DCDC2: variants seen among roughly 807,000 people sequenced by gnomAD.
DCDC2 encodes doublecortin domain containing 2.
Under a neutral mutation model 50.2 loss-of-function variants are expected in DCDC2, and 40 were observed. The ratio of observed to expected loss-of-function variants is 0.80; its 90% CI spans 0.62 to 1.04. The LOEUF (loss-of-function observed/expected upper bound fraction) is 1.04, where lower values mean the gene tolerates loss of function less well. DCDC2 is among the 50% of genes least tolerant of loss of function. The probability of loss-of-function intolerance (pLI) is 0.00; values close to 1 mark genes in which losing one functional copy is unlikely to be tolerated. For missense variants in DCDC2, 570 were observed against 581.9 expected, an observed-to-expected ratio of 0.98 and a Z score of 0.21; for synonymous variants, 234 against 210.6, an observed-to-expected ratio of 1.11 and a Z score of -0.96.
At chr6:24,308,460 C>T (rs2113843305) in intron 2 of DCDC2, among the ~76,000 whole-genome samples, 1 of 152,228 alleles carries the variant, frequency 6.6e-6, no homozygotes, top group Non-Finnish European at 1.5e-5. Context: ...CATGCTTTTT[C>T]CTGGGGATAA....
chr6:24,352,723 C>A (rs1760395151), intron 2 of DCDC2, among the ~76,000 whole-genome samples: 1 of 152,140 alleles, frequency 6.6e-6, no homozygotes, highest in Non-Finnish European at 1.5e-5. Context: ...GAGAGTCCCT[C>A]TGGGGCTCTG....
chr6:24,235,889 T>A (rs114143457), intron 7 of DCDC2, among the ~76,000 whole-genome samples: 153 of 152,164 alleles, frequency 1.0e-3, no homozygotes, highest in African/African-American at 3.5e-3. Context: ...CACCTAAGAA[T>A]ACATATAACC....
intron 7 of DCDC2, among the ~76,000 whole-genome samples, chr6:24,274,690 G>A (rs367665717): frequency 4.7e-4 from 70 of 148,516 alleles, no homozygotes; most frequent in Admixed American, 1.5e-3. Flanking sequence ...CAGACTGATA[G>A]AAGCATTGCA....
intron 9 of DCDC2, among the ~76,000 whole-genome samples, chr6:24,176,858 T>C (rs1760924600): frequency 6.6e-6 from 1 of 152,238 alleles, no homozygotes; most frequent in African/African-American, 2.4e-5. Flanking sequence ...TGAGATCATA[T>C]GGTATGTGTC....
At chr6:24,178,287 A>T (rs1428501293) in intron 9 of DCDC2, 43 bp downstream of exon 9, 1 of 1,570,148 alleles carries the variant, frequency 6.4e-7, no homozygotes, top group South Asian at 1.2e-5. Flanking sequence ...ACACACACAC[A>T]TATTCATGCA....
At chr6:24,280,868 GAGA>G (rs1375444678) in intron 6 of DCDC2, among the ~76,000 whole-genome samples, 1 of 152,262 alleles carries the variant, frequency 6.6e-6, no homozygotes, top group African/African-American at 2.4e-5. Context: ...AGCTTTAGAT[GAGA>G]AGATCAACCT....
chr6:24,186,825 C>T (rs960691036), intron 8 of DCDC2, among the ~76,000 whole-genome samples: 5 of 152,220 alleles, frequency 3.3e-5, no homozygotes, highest in South Asian at 2.1e-4. Context: ...ATTATTATGT[C>T]GAAGTCTTAA....
intron 7 of DCDC2, among the ~76,000 whole-genome samples, chr6:24,211,742 G>C (rs1291165672): frequency 2.0e-5 from 3 of 152,114 alleles, no homozygotes; most frequent in Non-Finnish European, 4.4e-5. Flanking sequence ...TCCTTGCCTA[G>C]AGCCTCCAGA....
At chr6:24,272,741 G>A (rs188387481) in intron 7 of DCDC2, among the ~76,000 whole-genome samples, 1 of 152,108 alleles carries the variant, frequency 6.6e-6, no homozygotes, top group Non-Finnish European at 1.5e-5. Flanking sequence ...TGCAGAGAAA[G>A]GGCAATACCA....
intron 7 of DCDC2, among the ~76,000 whole-genome samples, chr6:24,257,317 G>C (rs2113803252): frequency 6.6e-6 from 1 of 152,326 alleles, no homozygotes; most frequent in East Asian, 1.9e-4. Context: ...TCTTCAGAGA[G>C]CTTTGTGTTA....
At chr6:24,291,855 G>GT (rs1763759806) in intron 4 of DCDC2, among the ~76,000 whole-genome samples, 2 of 152,182 alleles carry the variant, frequency 1.3e-5, no homozygotes, top group Admixed American at 1.3e-4. Context: ...CACATTCTGT[G>GT]TAAGAACAGC....
chr6:24,194,555 T>G (rs1399659684), intron 8 of DCDC2, among the ~76,000 whole-genome samples: 1 of 152,238 alleles, frequency 6.6e-6, no homozygotes, highest in Admixed American at 6.5e-5. Context: ...TCATAGTTAC[T>G]GGTCTGTGTT....
chr6:24,276,829 C>G (rs1444174622), intron 7 of DCDC2, among the ~76,000 whole-genome samples: 2 of 151,638 alleles, frequency 1.3e-5, no homozygotes, highest in African/African-American at 4.8e-5. Flanking sequence ...TTCATAAGAA[C>G]CCACATTTTT....
At chr6:24,209,047 A>G (rs1475820908) in intron 7 of DCDC2, among the ~76,000 whole-genome samples, 1 of 152,230 alleles carries the variant, frequency 6.6e-6, no homozygotes, top group African/African-American at 2.4e-5. Flanking sequence ...AGAATTGCCA[A>G]CAAGGCCAAA....
chr6:24,270,510 G>A (rs1763215380), intron 7 of DCDC2, among the ~76,000 whole-genome samples: 1 of 152,104 alleles, frequency 6.6e-6, no homozygotes, highest in South Asian at 2.1e-4. Flanking sequence ...ACCCTGTGCT[G>A]ACTACTCTGT....
chr6:24,290,608 CTAA>C (rs2113830153), intron 5 of DCDC2, among the ~76,000 whole-genome samples: 2 of 152,178 alleles, frequency 1.3e-5, no homozygotes, highest in African/African-American at 4.8e-5. Flanking sequence ...ACAAAAACTT[CTAA>C]TAATGTTTGC....
chr6:24,248,108 A>G (rs1316211784), intron 7 of DCDC2, among the ~76,000 whole-genome samples: 1 of 152,176 alleles, frequency 6.6e-6, no homozygotes, highest in Non-Finnish European at 1.5e-5. Context: ...TAAAAAAAGA[A>G]TGTTCTAACG....
At chr6:24,353,778 T>C (rs1760415974) in intron 1 of DCDC2, among the ~76,000 whole-genome samples, 155 bp from the exon 2 acceptor site, 1 of 152,146 alleles carries the variant, frequency 6.6e-6, no homozygotes, top group Admixed American at 6.5e-5. Context: ...ATTACAATAG[T>C]AAAAACTGTT....
At chr6:24,289,108 G>A (rs1350844734) in intron 5 of DCDC2, among the ~76,000 whole-genome samples, 2 of 152,192 alleles carry the variant, frequency 1.3e-5, no homozygotes, top group South Asian at 4.1e-4. Flanking sequence ...GATTTGTAAT[G>A]TTTTCCTGTA....
Sources: gnomAD v4.1 joint callset for allele counts (sites outside exome capture counted in the v4.1 genomes callset) on GRCh38, gnomAD v4.1.1 for gene constraint, MANE v1.5 for transcripts, NCBI Gene and HGNC (gene_info 2026-07-23, HGNC 2026-07-21) for gene names.